NPAS3: variants seen among roughly 807,000 people sequenced by gnomAD.
The protein encoded by NPAS3 is neuronal PAS domain protein 3.
NPAS3 carries 14 observed loss-of-function variants against 73.1 expected under a neutral mutation model. The ratio of observed to expected loss-of-function variants is 0.19; its 90% CI spans 0.13 to 0.30. The LOEUF (loss-of-function observed/expected upper bound fraction) is 0.30, where lower values mean the gene tolerates loss of function less well. NPAS3 is among the 10% of genes least tolerant of loss of function. NPAS3 has a pLI of 1.00. For synonymous variants in NPAS3, 620 were observed against 541.5 expected (o/e 1.14, Z -2.01); for missense variants, 1,096 against 1,250.0 (o/e 0.88, Z 1.86).
chr14:33,293,341 A>G (rs2042173176), intron 3 of NPAS3, among the ~76,000 whole-genome samples: 1 of 152,196 alleles, frequency 6.6e-6, no homozygotes, highest in Admixed American at 6.5e-5. Flanking sequence ...GAGGTGTAAG[A>G]TCCATACCTT....
chr14:33,588,869 C>T (rs567341180), intron 5 of NPAS3, among the ~76,000 whole-genome samples: 4 of 152,202 alleles, frequency 2.6e-5, no homozygotes, highest in East Asian at 1.9e-4. Flanking sequence ...TACCGGCCCA[C>T]CTCAGCCTCC....
chr14:33,534,373 A>G (rs936313767), intron 4 of NPAS3, among the ~76,000 whole-genome samples: 1 of 152,190 alleles, frequency 6.6e-6, no homozygotes, highest in Admixed American at 6.5e-5. Flanking sequence ...CATCCTGAAA[A>G]TGATAAAACT....
intron 1 of NPAS3, among the ~76,000 whole-genome samples, chr14:33,007,038 G>A (rs2039024274): frequency 6.6e-6 from 1 of 152,118 alleles, no homozygotes; most frequent in Non-Finnish European, 1.5e-5. Context: ...TTATCCATTA[G>A]CACCTATTTT....
At chr14:33,615,931 C>T (rs1164527242) in intron 5 of NPAS3, among the ~76,000 whole-genome samples, 2 of 152,172 alleles carry the variant, frequency 1.3e-5, no homozygotes, top group African/African-American at 4.8e-5. Context: ...GCTTCTTGCA[C>T]TTTTAATGAG....
At chr14:33,736,146 C>T (rs1169834847) in intron 7 of NPAS3, among the ~76,000 whole-genome samples, 2 of 152,188 alleles carry the variant, frequency 1.3e-5, no homozygotes, top group Non-Finnish European at 2.9e-5. Flanking sequence ...TGTGGCCAGC[C>T]GTTGTGACCT....
Position 32,966,245 on chromosome 14 carries a change from G to C in NPAS3, c.50+26879G>C, listed in dbSNP as rs112109067. Among the ~76,000 whole-genome samples the C allele has an allele frequency of 2.6e-3, 396 of 152,180 alleles. 2 individuals carry two copies. The highest frequency in any genetic ancestry group is 7.9e-3 in the African/African-American group (329 of 41,546). ...CACATAAAGTCCCTGAATAGCTAAA[G>C]AATCTTGAGAAAAAAGAACAAAGCT... is the stretch of plus-strand genomic sequence containing the variant. On this transcript the variant is annotated intron_variant, in intron 1 of 11. Coordinates refer to ENST00000356141, the Ensembl canonical transcript of NPAS3.
chr14:33,785,615 C>T (rs887540599), intron 9 of NPAS3, among the ~76,000 whole-genome samples: 3 of 151,976 alleles, frequency 2.0e-5, no homozygotes, highest in Admixed American at 2.0e-4. Context: ...TCTCAAAAAA[C>T]ATCAAACTTT....
Position 33,588,002 on chromosome 14 carries a change from A to C in NPAS3, c.558+27792A>C, listed in dbSNP as rs75823288. Reference sequence around the variant, plus strand: ...CAGGGACATTTTGTTGCTCTACTTAAAGATTATCTGTCTTAGTCGAGTGTG... The same window carrying C: ...CAGGGACATTTTGTTGCTCTACTTACAGATTATCTGTCTTAGTCGAGTGTG... On this transcript the variant is annotated intron_variant, in intron 5 of 11. Transcript: ENST00000356141. Among the ~76,000 whole-genome samples, 2,034 of 152,326 alleles carry C rather than the reference A, an allele frequency of 0.013. 107 individuals carry two copies. In the East Asian group the frequency reaches 0.19, roughly 15 times the overall value.
At chr14:33,274,327 A>C (rs1447849463) in intron 3 of NPAS3, among the ~76,000 whole-genome samples, 1 of 152,216 alleles carries the variant, frequency 6.6e-6, no homozygotes, top group Non-Finnish European at 1.5e-5. Flanking sequence ...GCATTAGGCT[A>C]AATTGAATTT....
At chr14:33,202,136 G>A (rs1054690829) in intron 2 of NPAS3, among the ~76,000 whole-genome samples, 23 of 152,034 alleles carry the variant, frequency 1.5e-4, no homozygotes, top group African/African-American at 2.7e-4. Flanking sequence ...GTGTGTTGGC[G>A]CACACCTGTA....
intron 7 of NPAS3, among the ~76,000 whole-genome samples, chr14:33,750,580 C>T (rs1430183384): frequency 6.9e-6 from 1 of 144,144 alleles, no homozygotes; most frequent in African/African-American, 2.7e-5. Flanking sequence ...TTGTAATAAC[C>T]TGAGAAAACA....
chr14:33,672,119 A>T (rs2140318308), intron 5 of NPAS3, among the ~76,000 whole-genome samples: 1 of 148,918 alleles, frequency 6.7e-6, no homozygotes, highest in East Asian at 1.9e-4. Context: ...CCAGTTAAAC[A>T]GAGTTTTGCC....
chr14:33,545,999 C>A (rs772737168), intron 4 of NPAS3, among the ~76,000 whole-genome samples: 3 of 152,194 alleles, frequency 2.0e-5, no homozygotes, highest in Non-Finnish European at 2.9e-5. Context: ...CTGCCTGATG[C>A]ATCTCTTCTT....
At chr14:32,995,258 C>G (rs977123186) in intron 1 of NPAS3, among the ~76,000 whole-genome samples, 7 of 152,170 alleles carry the variant, frequency 4.6e-5, no homozygotes, top group African/African-American at 1.7e-4. Flanking sequence ...GTTCTGTAAC[C>G]TAGTTAATGG....
At chr14:33,109,469 T>G (rs569284011) in intron 2 of NPAS3, among the ~76,000 whole-genome samples, 69 of 152,318 alleles carry the variant, frequency 4.5e-4, no homozygotes, top group African/African-American at 1.3e-3. Context: ...GGGATTACAT[T>G]TCATAGAATG....
intron 1 of NPAS3, among the ~76,000 whole-genome samples, chr14:32,947,769 T>C (rs2139114078): frequency 6.6e-6 from 1 of 152,282 alleles, no homozygotes; most frequent in East Asian, 1.9e-4. Context: ...TTTGTTTTCC[T>C]AATGCTGTAA....
intron 2 of NPAS3, among the ~76,000 whole-genome samples, chr14:33,206,203 A>C (rs905043525): frequency 6.6e-6 from 1 of 152,218 alleles, no homozygotes. Context: ...TTTTATTCCT[A>C]TAGCGGCAAT....
intron 3 of NPAS3, among the ~76,000 whole-genome samples, chr14:33,278,319 T>G (rs1208326206): frequency 2.6e-5 from 4 of 152,128 alleles, no homozygotes; most frequent in Non-Finnish European, 5.9e-5. Context: ...AGTATGTATC[T>G]GGCATTTACA....
chr14:32,942,151 T>C (rs2139062699), intron 1 of NPAS3, among the ~76,000 whole-genome samples: 1 of 152,338 alleles, frequency 6.6e-6, no homozygotes, highest in South Asian at 2.1e-4. Context: ...TTTTAAATGG[T>C]ATCCTCCTAT....
Sources: gnomAD v4.1 joint callset for allele counts (sites outside exome capture counted in the v4.1 genomes callset) on GRCh38, gnomAD v4.1.1 for gene constraint, MANE v1.5 for transcripts, NCBI Gene and HGNC (gene_info 2026-07-23, HGNC 2026-07-21) for gene names.